PSD3: variants seen among roughly 807,000 people sequenced by gnomAD.
The protein encoded by PSD3 is PH and SEC7 domain-containing protein 3.
A neutral mutation model predicts 105.5 loss-of-function variants in PSD3; 49 were observed. The ratio of observed to expected loss-of-function variants is 0.46; its 90% confidence interval spans 0.37 to 0.59. The LOEUF (loss-of-function observed/expected upper bound fraction) is 0.59. Ranked by LOEUF, PSD3 falls within the 20% of genes least tolerant of loss-of-function variation. PSD3 has a pLI of 0.00. For synonymous variants in PSD3, 557 were observed against 457.8 expected, an observed-to-expected ratio of 1.22 and a Z score of -2.77; for missense variants, 1,561 against 1,263.8, an observed-to-expected ratio of 1.24 and a Z score of -3.57.
intron 10 of PSD3, among the ~76,000 whole-genome samples, chr8:18,637,911 A>G (rs1386065989): frequency 6.6e-6 from 1 of 152,098 alleles, no homozygotes; most frequent in African/African-American, 2.4e-5. Context: ...TAATCCCAGC[A>G]CATTGGGAGG....
intron 9 of PSD3, among the ~76,000 whole-genome samples, chr8:18,752,520 ATATATATAATTATATATTATATATAT>A: frequency 1.4e-5 from 1 of 72,874 alleles, no homozygotes; most frequent in South Asian, 3.2e-4. Flanking sequence ...AATATATGTA[ATATATATAATTATATATTATATATAT>A]TATATATAAT....
At chr8:18,722,833 C>G (rs766666664) in intron 9 of PSD3, among the ~76,000 whole-genome samples, 5 of 152,212 alleles carry the variant, frequency 3.3e-5, no homozygotes, top group Non-Finnish European at 7.3e-5. Context: ...AGGAGCATTA[C>G]TGGAGTACAA....
At position 18,789,237 on chromosome 8, in the gene PSD3, AT is replaced by A. The variant is rs201245573; in HGVS notation, c.2082+10057del. On this transcript the variant is annotated intron_variant, in intron 8 of 15. Transcript: ENST00000327040. ...CTATTTTTATAGTAACACTAAAAAC[AT>A]TTTTTTCATTCTCTCAAATATACAG... Among the ~76,000 whole-genome samples the A allele has an allele frequency of 4.8e-3, 730 of 152,194 alleles. 9 individuals are homozygous for A. Among genetic ancestry groups the A allele is most frequent in the African/African-American group, 0.017 (707 of 41,542 alleles).
rs1233819306 is a variant in PSD3, at chr8:18,872,566, A to G, written c.298T>C (p.Cys100Arg). ...EQQGVQPLTG[C>R]HSGLDSVTEG... is the part of the protein sequence containing the mutation. ...GTAACACTGTCGAGCCCAGAGTGGC[A>G]GCCAGTAAGAGGCTGGACACCCTGC... Residue 100 changes from cysteine (C) to arginine (R), a missense_variant, in exon 3 of 16, where the codon TGC becomes CGC. Coordinates refer to ENST00000327040, the MANE Select transcript of PSD3 (RefSeq NM_015310.4). 6.2e-7 allele frequency: 1 copy of G among 1,614,084 alleles called. No homozygotes were observed. The highest frequency in any genetic ancestry group is 8.5e-7 in the Non-Finnish European group (1 of 1,179,988).
chr8:18,981,493 AG>A (rs1825251155), intron 1 of PSD3, among the ~76,000 whole-genome samples: 1 of 152,210 alleles, frequency 6.6e-6, no homozygotes, highest in Admixed American at 6.5e-5. Context: ...CAAACTCATC[AG>A]GTTGTTATAA....
At chr8:18,568,503 G>T (rs2130290194) in intron 14 of PSD3, among the ~76,000 whole-genome samples, 1 of 150,672 alleles carries the variant, frequency 6.6e-6, no homozygotes. Context: ...AGACACCACA[G>T]TCCCCAGCTG....
At chr8:18,946,742 A>C (rs1208508035) in intron 1 of PSD3, among the ~76,000 whole-genome samples, 1 of 151,764 alleles carries the variant, frequency 6.6e-6, no homozygotes, top group Non-Finnish European at 1.5e-5. Context: ...TCTACTAAAA[A>C]AAAAATACAA....
rs183842098 is a variant in PSD3, at chr8:18,694,149, C to T, written c.2173-38464G>A. Among the ~76,000 whole-genome samples the T allele has an allele frequency of 1.2e-3, 185 of 152,294 alleles. 1 individual carries two copies. The highest frequency in any genetic ancestry group is 4.3e-3 in the African/African-American group (180 of 41,558). On this transcript the variant is annotated intron_variant, in intron 9 of 15. Coordinates refer to ENST00000327040, the MANE Select transcript of PSD3 (RefSeq NM_015310.4). ...CTGGTACCTACTCAAGCCTGAGGCA[C>T]CACACAGTAAATCATCATCAATAAA...
chr8:18,772,312 T>C (rs1347212091), intron 8 of PSD3, among the ~76,000 whole-genome samples: 1 of 152,172 alleles, frequency 6.6e-6, no homozygotes, highest in Non-Finnish European at 1.5e-5. Context: ...CTCCAAGCTA[T>C]TTTCCACAGT....
At position 18,993,644 on chromosome 8, in the gene PSD3, CTCTCA is replaced by C. The variant is rs1231740144; in HGVS notation, c.21+19914_21+19918del. Among the ~76,000 whole-genome samples the C allele has an allele frequency of 4.4e-3, 667 of 152,058 alleles. 6 individuals are homozygous for C. The highest frequency in any genetic ancestry group is 0.015 in the African/African-American group (630 of 41,532). ...CCCCCAATTCAGTTGTATGCTTTAG[CTCTCA>C]ATAACACTGAAAGTTTGCCTTATAC... is the stretch of plus-strand genomic sequence containing the variant. On this transcript the variant is annotated intron_variant, in intron 1 of 15. Coordinates refer to ENST00000327040, the MANE Select transcript of PSD3 (RefSeq NM_015310.4).
chr8:18,769,074 C>T (rs1048324218), intron 8 of PSD3, among the ~76,000 whole-genome samples: 2 of 150,910 alleles, frequency 1.3e-5, no homozygotes, highest in Non-Finnish European at 3.0e-5. Context: ...CCAACTGTAT[C>T]AGGTCAAACA....
rs530678069 is a variant in PSD3 at position 18,812,523 on chromosome 8, T to C, written c.1635-7625A>G. Among the ~76,000 whole-genome samples the C allele has an allele frequency of 4.6e-5, 7 of 152,186 alleles. No individual in the cohort carries two copies. In the South Asian group the frequency reaches 1.5e-3, roughly 32 times the overall value. On this transcript the variant is annotated intron_variant, in intron 4 of 15. Coordinates refer to ENST00000327040, the MANE Select transcript of PSD3 (RefSeq NM_015310.4). ...ATGCATGTGCCAGGGAGGAGCTGGC[T>C]TGGGTGGCAGTAGGGGCTATAGGTC...
chr8:18,983,012 G>T (rs553586789), intron 1 of PSD3, among the ~76,000 whole-genome samples: 1 of 152,306 alleles, frequency 6.6e-6, no homozygotes, highest in Admixed American at 6.5e-5. Flanking sequence ...AGGCTGTTTT[G>T]TCTACATTGA....
At chr8:18,863,335 T>C (rs551945576) in intron 4 of PSD3, among the ~76,000 whole-genome samples, 27 of 152,168 alleles carry the variant, frequency 1.8e-4, no homozygotes, top group Admixed American at 1.2e-3. Flanking sequence ...ACGTGTATAA[T>C]TGTAAGTCTC....
At chr8:18,587,435 T>C (rs1417347881) in intron 12 of PSD3, among the ~76,000 whole-genome samples, 1 of 152,150 alleles carries the variant, frequency 6.6e-6, no homozygotes, top group Non-Finnish European at 1.5e-5. Context: ...TTTTTCATCA[T>C]CTTTCTACTG....
intron 9 of PSD3, among the ~76,000 whole-genome samples, chr8:18,761,970 G>T (rs1009988411): frequency 1.3e-5 from 2 of 152,120 alleles, no homozygotes; most frequent in African/African-American, 2.4e-5. Context: ...AGTTGAGAGG[G>T]GTAAATATGA....
intron 4 of PSD3, among the ~76,000 whole-genome samples, chr8:18,827,845 G>C (rs529605936): frequency 6.6e-6 from 1 of 150,762 alleles, no homozygotes; most frequent in Non-Finnish European, 1.5e-5. Context: ...TTTCTGACTT[G>C]AACACCTTGG....
intron 2 of PSD3, among the ~76,000 whole-genome samples, chr8:18,894,221 G>A (rs1329176980): frequency 6.6e-6 from 1 of 152,108 alleles, no homozygotes; most frequent in African/African-American, 2.4e-5. Context: ...GTACTCCCAG[G>A]CTTTTGTACA....
chr8:18,666,597 G>C (rs899910784), intron 9 of PSD3, among the ~76,000 whole-genome samples: 1 of 152,144 alleles, frequency 6.6e-6, no homozygotes, highest in African/African-American at 2.4e-5. Context: ...TCTCGTAACA[G>C]ATAAGTCAGG....
Sources: gnomAD v4.1 joint callset for allele counts (sites outside exome capture counted in the v4.1 genomes callset) on GRCh38, gnomAD v4.1.1 for gene constraint, MANE v1.5 for transcripts, NCBI Gene and HGNC (gene_info 2026-07-23, HGNC 2026-07-21) for gene names.